The following BRD8 variants were observed in gnomAD, a reference collection of about 807,000 sequenced individuals.
BRD8 encodes bromodomain containing 8.
A neutral mutation model predicts 143.1 loss-of-function variants in BRD8; 67 were observed. The observed-to-expected ratio is 0.47, with a 90% CI of 0.38 to 0.57. BRD8 has a LOEUF of 0.57. Among genes scored for constraint, BRD8 ranks in the 20% least tolerant of loss-of-function variants. The pLI is 0.00. For synonymous variants in BRD8, 505 were observed against 517.1 expected, an observed-to-expected ratio of 0.98 and a Z score of 0.32; for missense variants, 1,103 against 1,503.0, an observed-to-expected ratio of 0.73 and a Z score of 4.40.
chr5:138,171,285 T>C, intron 4 of BRD8, 76 bp downstream of exon 4: 2 of 1,431,732 alleles, frequency 1.4e-6, no homozygotes, highest in Non-Finnish European at 2.0e-6. Context: ...GTATCATAAC[T>C]AAGTATAAAC....
At chr5:138,152,823 A>C in intron 20 of BRD8, 63 bp from the exon 21 acceptor site, 20 of 1,538,782 alleles carry the variant, frequency 1.3e-5, no homozygotes, top group Non-Finnish European at 1.8e-5. Context: ...AGGCATCTCC[A>C]TCTCCCGAGT....
At chr5:138,155,729 G>A (rs1365858544) in intron 20 of BRD8, among the ~76,000 whole-genome samples, 1 of 151,912 alleles carries the variant, frequency 6.6e-6, no homozygotes, top group Non-Finnish European at 1.5e-5. Flanking sequence ...GTCTTGCTAT[G>A]TTGCCTAGAC....
chr5:138,175,086 G>A (rs1449963475), intron 2 of BRD8, among the ~76,000 whole-genome samples: 7 of 152,026 alleles, frequency 4.6e-5, no homozygotes, highest in African/African-American at 1.7e-4. Context: ...GGGTTTCACC[G>A]TGTTAGCCAG....
At position 138,163,359 on chromosome 5, in the gene BRD8, G is replaced by A. The variant is rs954787977; in HGVS notation, c.1873-15C>T. On this transcript the variant is annotated splice_polypyrimidine_tract_variant and intron_variant, in intron 14 of 26. Coordinates refer to ENST00000254900, the MANE Select transcript of BRD8 (RefSeq NM_139199.2). Reference sequence around the variant, plus strand: ...CCTGGGGCATCCTTAGATACAGTATGCTCCAGTTAACAAATGCAAGCAAAG... The same window carrying A: ...CCTGGGGCATCCTTAGATACAGTATACTCCAGTTAACAAATGCAAGCAAAG... 3.1e-6 allele frequency: 5 copies of A among 1,612,172 alleles called. No individual in the cohort carries two copies. Among genetic ancestry groups the A allele is most frequent in the Non-Finnish European group, 4.2e-6 (5 of 1,178,682 alleles).
At chr5:138,168,151 C>A in intron 8 of BRD8, 73 bp from the exon 9 acceptor site, 1 of 1,136,254 alleles carries the variant, frequency 8.8e-7, no homozygotes, top group South Asian at 1.4e-5. Flanking sequence ...AAAGCTCCAG[C>A]AGTTGATCAA....
At chr5:138,170,438 AGAC>A (rs1421602886) in intron 6 of BRD8, 29 bp from the exon 7 acceptor site, 2 of 1,613,384 alleles carry the variant, frequency 1.2e-6, no homozygotes, top group Non-Finnish European at 1.7e-6. Context: ...GTTAGATGCT[AGAC>A]AGCTCTGGCT....
intron 17 of BRD8, 73 bp downstream of exon 17, chr5:138,161,723 A>AAAGC: frequency 6.7e-7 from 1 of 1,498,022 alleles, no homozygotes; most frequent in Non-Finnish European, 9.2e-7. Flanking sequence ...CTTTCTATCG[A>AAAGC]AAGCAAAACT....
At chr5:138,173,919 C>T (rs918847545) in intron 2 of BRD8, among the ~76,000 whole-genome samples, 2 of 152,130 alleles carry the variant, frequency 1.3e-5, no homozygotes, top group Admixed American at 6.5e-5. Context: ...CTCAAGCAAC[C>T]TCCTGCCTTG....
At position 138,149,507 on chromosome 5, in the gene BRD8, CTTAA is replaced by C. The variant is rs376169246; in HGVS notation, c.3278+129_3278+132del. 335 of 701,362 alleles carry C rather than the reference CTTAA, an allele frequency of 4.8e-4. 2 individuals carry two copies. Among genetic ancestry groups the C allele is most frequent in the East Asian group, 5.8e-4 (19 of 32,546 alleles). The allele number at this position is 701,362 out of a possible 1,614,324, so 43.4% of individuals were successfully genotyped here. ...CTATTTATATGATGTTAAAATTATACTTAATTAATTATATTTTTTGTGTTTTCCA... is the reference window on the plus strand; with the variant it reads ...CTATTTATATGATGTTAAAATTATACTTAATTATATTTTTTGTGTTTTCCA... On this transcript the variant is annotated intron_variant, in intron 23 of 26. Coordinates refer to ENST00000254900, the MANE Select transcript of BRD8 (RefSeq NM_139199.2).
At chr5:138,173,253 C>T (rs1754036234) in intron 2 of BRD8, among the ~76,000 whole-genome samples, 1 of 151,828 alleles carries the variant, frequency 6.6e-6, no homozygotes, top group African/African-American at 2.4e-5. Flanking sequence ...CAAAAATTAG[C>T]CAGGCATGGT....
intron 12 of BRD8, 122 bp from the exon 13 acceptor site, chr5:138,164,535 C>T: frequency 2.6e-6 from 3 of 1,153,564 alleles, no homozygotes; most frequent in Non-Finnish European, 2.5e-6. Flanking sequence ...TGTAATGTGA[C>T]TCCAATGGTC....
intron 2 of BRD8, among the ~76,000 whole-genome samples, chr5:138,174,783 G>A (rs184932469): frequency 6.6e-6 from 1 of 152,212 alleles, no homozygotes; most frequent in African/African-American, 2.4e-5. Context: ...ACTGAGGAAG[G>A]TGGAACAGAA....
chr5:138,154,830 C>CTT (rs200415636), intron 20 of BRD8, among the ~76,000 whole-genome samples: 195 of 137,404 alleles, frequency 1.4e-3, no homozygotes, highest in African/African-American at 4.3e-3. Flanking sequence ...AAGTTCATAA[C>CTT]TTTTTTTTTT....
rs751273156 is a variant in BRD8 at position 138,150,767 on chromosome 5, C to G, written c.3098G>C (p.Gly1033Ala). Residue 1033 changes from glycine (G) to alanine (A), a missense_variant, in exon 22 of 27, where the codon GGA becomes GCA. Coordinates refer to ENST00000254900, the MANE Select transcript of BRD8 (RefSeq NM_139199.2). ...TACCTCTTCACTCTCTGTGAGTAGT[C>G]CCTGAACTGTACAAATAACTGAGGG... ...SAPSVICTVQ[G>A]LLTESEEGEA... The G allele has an allele frequency of 3.1e-6, 5 of 1,613,662 alleles. No homozygotes were observed. In the South Asian group the frequency reaches 4.4e-5, roughly 14 times the overall value.
intron 20 of BRD8, among the ~76,000 whole-genome samples, chr5:138,159,264 G>T (rs763185919): frequency 6.6e-6 from 1 of 151,996 alleles, no homozygotes; most frequent in Non-Finnish European, 1.5e-5. Context: ...GAAAAGAATT[G>T]GTAAAAGGTG....
chr5:138,148,531 T>A (rs1436081982), intron 23 of BRD8, among the ~76,000 whole-genome samples: 2 of 151,744 alleles, frequency 1.3e-5, no homozygotes, highest in Admixed American at 1.3e-4. Flanking sequence ...CCACACCCAA[T>A]AAATTTTGTT....
chr5:138,162,335 T>C (rs907356522), intron 15 of BRD8, among the ~76,000 whole-genome samples, 189 bp from the exon 16 acceptor site: 11 of 152,170 alleles, frequency 7.2e-5, no homozygotes, highest in Admixed American at 3.9e-4. Context: ...GCTGGGACTA[T>C]AGGTGCATAC....
At chr5:138,163,689 T>C (rs1450545773) in intron 14 of BRD8, 2 of 1,284,306 alleles carry the variant, frequency 1.6e-6, no homozygotes, top group Non-Finnish European at 2.1e-6. Flanking sequence ...GTGTCTCATT[T>C]GATGGAGCAA....
intron 23 of BRD8, among the ~76,000 whole-genome samples, chr5:138,149,119 T>C (rs1752278867): frequency 1.3e-5 from 2 of 151,876 alleles, no homozygotes; most frequent in Admixed American, 6.6e-5. Context: ...GTTTGTATAA[T>C]ATTAGCTCCA....
Sources: allele counts gnomAD v4.1 joint callset (sites outside exome capture counted in the v4.1 genomes callset), GRCh38; gene constraint gnomAD v4.1.1; transcripts MANE v1.5; gene names NCBI Gene and HGNC (gene_info 2026-07-23, HGNC 2026-07-21).